The following FAF1 variants were observed in gnomAD, a reference collection of about 807,000 sequenced individuals.
The protein encoded by FAF1 is FAS-associated factor 1.
FAF1 carries 25 observed loss-of-function variants against 92.5 expected under a neutral mutation model. That is an observed-to-expected ratio of 0.27 (90% confidence interval 0.20 to 0.38). The LOEUF (loss-of-function observed/expected upper bound fraction) is 0.38, where lower values mean the gene tolerates loss of function less well. Ranked by LOEUF, FAF1 falls within the 10% of genes least tolerant of loss-of-function variation. The pLI, the probability that FAF1 is intolerant of heterozygous loss-of-function variation, is 1.00. For missense variants in FAF1, 636 were observed against 793.3 expected (o/e 0.80, Z 2.38); for synonymous variants, 234 against 273.2 (o/e 0.86, Z 1.42).
intron 8 of FAF1, among the ~76,000 whole-genome samples, chr1:50,640,063 T>A (rs1225478225): frequency 1.3e-5 from 2 of 152,154 alleles, no homozygotes; most frequent in African/African-American, 2.4e-5. Context: ...ACTGTGAAAT[T>A]CAATTTGGTA....
At chr1:50,916,742 A>G (rs1644921378) in intron 1 of FAF1, among the ~76,000 whole-genome samples, 1 of 152,256 alleles carries the variant, frequency 6.6e-6, no homozygotes, top group East Asian at 1.9e-4. Context: ...AGGGAAACAT[A>G]GAAATGAAGT....
intron 13 of FAF1, among the ~76,000 whole-genome samples, chr1:50,544,463 T>C (rs1487567741): frequency 6.6e-6 from 1 of 152,202 alleles, no homozygotes; most frequent in African/African-American, 2.4e-5. Flanking sequence ...AAGTGATTAA[T>C]GGCCACACTT....
Position 50,879,857 on chromosome 1 carries a change from C to T in FAF1, c.46-21860G>A, listed in dbSNP as rs181150887. 1.7e-3 allele frequency among the ~76,000 whole-genome samples: 261 copies of T among 152,246 alleles called. 1 individual carries two copies. Among genetic ancestry groups the T allele is most frequent in the African/African-American group, 6.0e-3 (251 of 41,548 alleles). The stretch of plus-strand genomic sequence containing the variant: ...GCAAGCTAAAGTTTAAGAACCACTG[C>T]CTTAATTGGCTAAGGCAGTCAGAAG... On this transcript the variant is annotated intron_variant, in intron 1 of 18. Coordinates refer to ENST00000396153, the MANE Select transcript of FAF1 (RefSeq NM_007051.3).
At chr1:50,547,440 T>C (rs1649082284) in intron 13 of FAF1, among the ~76,000 whole-genome samples, 1 of 150,000 alleles carries the variant, frequency 6.7e-6, no homozygotes, top group Non-Finnish European at 1.5e-5. Flanking sequence ...TGAGATGGAG[T>C]TTTGCTCTTG....
chr1:50,505,629 T>C (rs1647049722), intron 15 of FAF1, among the ~76,000 whole-genome samples: 1 of 152,212 alleles, frequency 6.6e-6, no homozygotes, highest in South Asian at 2.1e-4. Context: ...GGCCTGTTTT[T>C]GTAAATAAAA....
chr1:50,459,765 C>T (rs1034635709), intron 18 of FAF1, among the ~76,000 whole-genome samples: 1 of 152,170 alleles, frequency 6.6e-6, no homozygotes, highest in African/African-American at 2.4e-5. Flanking sequence ...TCAGAATAAT[C>T]AACAGTGTTG....
chr1:50,619,805 G>T (rs116206962), intron 8 of FAF1, among the ~76,000 whole-genome samples: 44 of 152,126 alleles, frequency 2.9e-4, no homozygotes, highest in African/African-American at 1.0e-3. Context: ...TGAGATTAGG[G>T]AAATTTTCAT....
In FAF1 at chr1:50,491,740, A is replaced by C; in HGVS notation, c.1556T>G (p.Leu519Arg). The change falls in exon 16 of 19, where the codon CTT (leucine) becomes CGT (arginine). Residue 519 changes from leucine to arginine, a missense_variant. Physicochemically the swap from Leu to Arg is moderately radical, Grantham distance 102. Transcript: ENST00000396153. ...REQDEAYRLS[L>R]EADRAKREAH... is the part of the protein sequence containing the mutation. Reference sequence around the variant, plus strand: ...GCCTACCTTTGCTCTGTCAGCCTCAAGTGAAAGGCGATAGGCCTCATCTTG... The same window carrying C: ...GCCTACCTTTGCTCTGTCAGCCTCACGTGAAAGGCGATAGGCCTCATCTTG... The C allele has an allele frequency of 6.2e-7, 1 of 1,612,310 alleles. No homozygotes were observed. The highest frequency in any genetic ancestry group is 8.5e-7 in the Non-Finnish European group (1 of 1,179,316).
chr1:50,504,635 CAAATGGTAACACCCAGTTTTAAAGA>C (rs532066805), intron 15 of FAF1, among the ~76,000 whole-genome samples: 1 of 152,228 alleles, frequency 6.6e-6, no homozygotes, highest in Admixed American at 6.5e-5. Context: ...ACATCAATTT[CAAATGGTAACACCCAGTTTTAAAGA>C]AACTCCTAAA....
chr1:50,868,119 C>G (rs1644497317), intron 1 of FAF1, among the ~76,000 whole-genome samples: 1 of 152,066 alleles, frequency 6.6e-6, no homozygotes, highest in South Asian at 2.1e-4. Context: ...TAAGTGGGAG[C>G]TAAGCTATGA....
chr1:50,957,476 C>G (rs753849995), intron 1 of FAF1, among the ~76,000 whole-genome samples: 1 of 151,478 alleles, frequency 6.6e-6, no homozygotes, highest in Non-Finnish European at 1.5e-5. Context: ...CTCAGCCTCC[C>G]GAGTAGCTGG....
intron 15 of FAF1, among the ~76,000 whole-genome samples, chr1:50,520,778 G>A (rs1647459139): frequency 6.6e-6 from 1 of 152,166 alleles, no homozygotes; most frequent in Non-Finnish European, 1.5e-5. Flanking sequence ...CTGGGAGGTC[G>A]AGGCTGCAGT....
At chr1:50,671,107 A>C (rs1655853241) in intron 7 of FAF1, among the ~76,000 whole-genome samples, 1 of 152,150 alleles carries the variant, frequency 6.6e-6, no homozygotes, top group African/African-American at 2.4e-5. Flanking sequence ...TTCTTAGTTA[A>C]AAATGTAAGT....
intron 13 of FAF1, among the ~76,000 whole-genome samples, chr1:50,558,860 G>A (rs940819341): frequency 1.3e-5 from 2 of 152,202 alleles, no homozygotes; most frequent in South Asian, 4.1e-4. Flanking sequence ...AGTTATAACT[G>A]TAGTACTAGG....
chr1:50,759,720 T>A (rs1004134828), intron 4 of FAF1, among the ~76,000 whole-genome samples: 10 of 152,170 alleles, frequency 6.6e-5, no homozygotes, highest in African/African-American at 2.4e-4. Flanking sequence ...CCCTGAGGAA[T>A]TGCCACACTG....
intron 1 of FAF1, among the ~76,000 whole-genome samples, chr1:50,902,107 G>A (rs954258100): frequency 2.6e-5 from 4 of 152,058 alleles, no homozygotes; most frequent in African/African-American, 9.7e-5. Flanking sequence ...ACTAATATAA[G>A]GATTTCAGTC....
intron 2 of FAF1, among the ~76,000 whole-genome samples, chr1:50,806,718 G>A (rs927898311): frequency 6.6e-6 from 1 of 152,196 alleles, no homozygotes; most frequent in Non-Finnish European, 1.5e-5. Flanking sequence ...CCGGGGGCCT[G>A]GTGTCAGGCC....
At chr1:50,691,749 C>T (rs1011372435) in intron 7 of FAF1, among the ~76,000 whole-genome samples, 2 of 152,214 alleles carry the variant, frequency 1.3e-5, no homozygotes, top group African/African-American at 2.4e-5. Context: ...CACCACCACG[C>T]CCGGCTAATT....
intron 8 of FAF1, among the ~76,000 whole-genome samples, chr1:50,601,921 A>G (rs575564258): frequency 4.7e-4 from 72 of 152,244 alleles, no homozygotes; most frequent in African/African-American, 1.7e-3. Context: ...AGAATAAGAC[A>G]TTTTAAGAGT....
Sources: allele counts gnomAD v4.1 joint callset (sites outside exome capture counted in the v4.1 genomes callset), GRCh38; gene constraint gnomAD v4.1.1; transcripts MANE v1.5; gene names NCBI Gene and HGNC (gene_info 2026-07-23, HGNC 2026-07-21).